Variants in SPTA1 observed in about 807,000 individuals in gnomAD.
SPTA1 encodes spectrin alpha chain, erythrocytic 1.
Under a neutral mutation model 324.7 loss-of-function variants are expected in SPTA1, and 177 were observed. The observed-to-expected ratio is 0.55, with a 90% CI of 0.48 to 0.62. The LOEUF (loss-of-function observed/expected upper bound fraction) is 0.62, where lower values mean the gene tolerates loss of function less well. Ranked by LOEUF, SPTA1 falls within the 20% of genes least tolerant of loss-of-function variation. The pLI is 0.00. For synonymous variants in SPTA1, 1,195 were observed against 1,041.3 expected (o/e 1.15, Z -2.84); for missense variants, 3,162 against 2,883.6 (o/e 1.10, Z -2.21).
At chr1:158,662,002 C>G (rs1362998953) in intron 17 of SPTA1, among the ~76,000 whole-genome samples, 1 of 152,182 alleles carries the variant, frequency 6.6e-6, no homozygotes, top group African/African-American at 2.4e-5. Context: ...CTCCCTGTAT[C>G]CTAACCATGC....
At chr1:158,620,082 C>T in intron 44 of SPTA1, 88 bp downstream of exon 44, 1 of 1,491,432 alleles carries the variant, frequency 6.7e-7, no homozygotes, top group Middle Eastern at 1.9e-4. Flanking sequence ...TAATAGTGTT[C>T]CTTCTATGTC....
At position 158,636,773 on chromosome 1, in the gene SPTA1, G is replaced by A; in HGVS notation, c.5190-12C>T. The A allele has an allele frequency of 1.2e-6, 2 of 1,613,832 alleles. No homozygotes were observed. The highest frequency in any genetic ancestry group is 1.7e-6 in the Non-Finnish European group (2 of 1,179,952). On this transcript the variant is annotated splice_polypyrimidine_tract_variant and intron_variant, in intron 36 of 51. Coordinates refer to ENST00000643759, the MANE Select transcript of SPTA1 (RefSeq NM_003126.4). Reference sequence around the variant, plus strand: ...GTATCAACTTCTCCCTAAAATCAAGGAAGAAAACAGAAAGTTTGGAGTCTA... The same window carrying A: ...GTATCAACTTCTCCCTAAAATCAAGAAAGAAAACAGAAAGTTTGGAGTCTA...
At chr1:158,672,934 CAA>C (rs11343153) in intron 10 of SPTA1, among the ~76,000 whole-genome samples, 15 of 133,544 alleles carry the variant, frequency 1.1e-4, no homozygotes, top group African/African-American at 3.6e-4. Context: ...CGGTTTCTAC[CAA>C]AAAAAAAAAA....
Position 158,612,797 on chromosome 1 carries a change from G to T in SPTA1, c.7134+20C>A. Reference sequence around the variant, plus strand: ...CAAATTAGGATGACAGTGTAGTAGGGGAAGCAACCAGAATCGGACCTGCTT... The same window carrying T: ...CAAATTAGGATGACAGTGTAGTAGGTGAAGCAACCAGAATCGGACCTGCTT... On this transcript the variant is annotated intron_variant, in intron 51 of 51. Transcript: ENST00000643759. 6.2e-7 allele frequency: 1 copy of T among 1,613,516 alleles called. No homozygotes were observed. The highest frequency in any genetic ancestry group is 1.1e-5 in the South Asian group (1 of 91,052).
rs1651286005 is a variant in SPTA1, at chr1:158,638,688, T to C, written c.4981-447A>G. The stretch of plus-strand genomic sequence containing the variant: ...AAAATTAGCCGGGCATGCTGGCGTG[T>C]GCCTGTAATCTCAGCTACTTGGGAG... On this transcript the variant is annotated intron_variant, in intron 35 of 51. Coordinates refer to ENST00000643759, the MANE Select transcript of SPTA1 (RefSeq NM_003126.4). 2.2e-5 allele frequency among the ~76,000 whole-genome samples: 3 copies of C among 138,554 alleles called. No homozygotes were observed. The South Asian group carries it at 6.8e-4, about 31-fold the overall frequency. 90.9% of individuals were successfully genotyped at this position (138,554 alleles called of 152,430 possible).
At chr1:158,645,158 C>T (rs564889284) in intron 29 of SPTA1, 30 bp downstream of exon 29, 25 of 1,612,644 alleles carry the variant, frequency 1.6e-5, no homozygotes, top group Middle Eastern at 1.7e-4. Context: ...GACTACTGAA[C>T]CTGCTTAACA....
At chr1:158,635,356 C>A (rs1330257920) in intron 38 of SPTA1, among the ~76,000 whole-genome samples, 1 of 148,540 alleles carries the variant, frequency 6.7e-6, no homozygotes, top group Non-Finnish European at 1.5e-5. Context: ...GTTCTTCTTT[C>A]TTTGCATTCT....
At chr1:158,630,549 T>C (rs1356962904) in intron 39 of SPTA1, among the ~76,000 whole-genome samples, 5 of 151,896 alleles carry the variant, frequency 3.3e-5, no homozygotes, top group Non-Finnish European at 7.4e-5. Flanking sequence ...AAAGAAAAGG[T>C]AGGGTAAAAT....
At position 158,614,822 on chromosome 1, in the gene SPTA1, A is replaced by C. The variant is rs78864612; in HGVS notation, c.6788+394T>G. 601 of 202,190 alleles carry C rather than the reference A, an allele frequency of 3.0e-3. 2 individuals are homozygous for C. Among genetic ancestry groups the C allele is most frequent in the African/African-American group, 0.013 (579 of 42,900 alleles). The allele number at this position is 202,190 out of a possible 1,614,324, so 12.5% of individuals were successfully genotyped here. A position where few individuals can be genotyped will look rare whatever the true frequency, so the allele number is the denominator to read the frequency against. ...GCTTTGATATAGTGAATTTATCTAG[A>C]AAATGAGTTTCTGCCCTTCTGCTCT... On this transcript the variant is annotated intron_variant, in intron 48 of 51. Transcript: ENST00000643759.
In SPTA1 at chr1:158,671,370, G is replaced by A. The variant is rs41273525; in HGVS notation, c.1572C>T (p.Ala524=). 2.5e-6 allele frequency: 4 copies of A among 1,613,418 alleles called. No homozygotes were observed. The highest frequency in any genetic ancestry group is 3.4e-6 in the Non-Finnish European group (4 of 1,179,880). ...TGATCTTCTCTTCCTGGGCAGTAAA[G>A]GCTTCCTCAAAGTCTTCATGCTTCT... is the stretch of plus-strand genomic sequence containing the variant. ...LLQKHEDFEE[A]FTAQEEKIIT... The change falls in exon 12 of 52, where the codon GCC becomes GCT. Residue 524 remains alanine (A), a synonymous_variant. Transcript: ENST00000643759.
chr1:158,636,069 C>T, intron 37 of SPTA1, 35 bp from the exon 38 acceptor site: 1 of 1,614,048 alleles, frequency 6.2e-7, no homozygotes, highest in Non-Finnish European at 8.5e-7. Context: ...TCCATTACCC[C>T]ACAATCTCTC....
intron 43 of SPTA1, 131 bp downstream of exon 43, chr1:158,622,852 C>A (rs1650004547): frequency 2.2e-6 from 2 of 915,168 alleles, no homozygotes; most frequent in East Asian, 2.4e-5. Flanking sequence ...GTAAGAATGT[C>A]TTCCCAACAT....
At chr1:158,666,546 C>T (rs1653618460) in intron 15 of SPTA1, 49 bp from the exon 16 acceptor site, 1 of 1,504,372 alleles carries the variant, frequency 6.6e-7, no homozygotes, top group Non-Finnish European at 9.1e-7. Context: ...AACTATTCCT[C>T]TTTACACTAT....
intron 30 of SPTA1, among the ~76,000 whole-genome samples, chr1:158,643,852 C>T (rs1651795666): frequency 2.0e-5 from 3 of 152,032 alleles, no homozygotes; most frequent in Admixed American, 1.3e-4. Context: ...AAACAAGAAT[C>T]AGGGCTGGGC....
intron 42 of SPTA1, among the ~76,000 whole-genome samples, chr1:158,624,708 A>G (rs76295357): frequency 0.055 from 8,336 of 152,324 alleles, 519 homozygotes; most frequent in African/African-American, 0.15. Context: ...ACTGCAGAAA[A>G]GTAGTCAATA....
chr1:158,650,081 C>T (rs957137108), intron 24 of SPTA1, 134 bp from the exon 25 acceptor site: 1 of 720,890 alleles, frequency 1.4e-6, no homozygotes, highest in Non-Finnish European at 2.5e-6. Flanking sequence ...AGCTTTGCTT[C>T]TTTCTTGGAC....
chr1:158,632,176 A>G (rs1303321140), intron 39 of SPTA1, among the ~76,000 whole-genome samples: 1 of 152,194 alleles, frequency 6.6e-6, no homozygotes, highest in Non-Finnish European at 1.5e-5. Context: ...CATTACGCTA[A>G]GCAAAATAAG....
At chr1:158,675,889 C>T (rs1242725185) in intron 8 of SPTA1, among the ~76,000 whole-genome samples, 2 of 152,132 alleles carry the variant, frequency 1.3e-5, no homozygotes, top group Non-Finnish European at 2.9e-5. Context: ...TTATTTATTA[C>T]TGGAATTTTC....
chr1:158,640,176 G>A (rs1200808174), intron 33 of SPTA1, among the ~76,000 whole-genome samples, 169 bp from the exon 34 acceptor site: 1 of 152,142 alleles, frequency 6.6e-6, no homozygotes, highest in Non-Finnish European at 1.5e-5. Context: ...AAAACAATAG[G>A]AGTTGTTGGA....
Sources: gnomAD v4.1 joint callset for allele counts (sites outside exome capture counted in the v4.1 genomes callset) on GRCh38, gnomAD v4.1.1 for gene constraint, MANE v1.5 for transcripts, NCBI Gene and HGNC (gene_info 2026-07-23, HGNC 2026-07-21) for gene names.